The following OR1J2 variants were observed in gnomAD, a reference collection of about 807,000 sequenced individuals.
The protein encoded by OR1J2 is olfactory receptor 1J2.
For synonymous variants in OR1J2, 142 were observed against 99.7 expected (o/e 1.42, Z -2.52); for missense variants, 304 against 246.1 (o/e 1.24, Z -1.57).
the OR1J2 span, among the ~76,000 whole-genome samples, chr9:122,453,174 G>A: frequency 6.6e-6 from 1 of 152,178 alleles, no homozygotes. Flanking sequence ...CTGAGCAGAT[G>A]CTGGTGTCAT....
At chr9:122,450,871 A>G in the OR1J2 span, among the ~76,000 whole-genome samples, 2 of 152,208 alleles carry the variant, frequency 1.3e-5, no homozygotes, top group East Asian at 3.9e-4. Context: ...TGCCTGGCTT[A>G]TTTCACTTAA....
chr9:122,463,426 A>G, the OR1J2 span, among the ~76,000 whole-genome samples: 13 of 152,124 alleles, frequency 8.5e-5, no homozygotes, highest in African/African-American at 3.1e-4. Flanking sequence ...TTTTTCTGGC[A>G]CTTCAGAGAT....
chr9:122,539,977 G>A, the OR1J2 span, among the ~76,000 whole-genome samples: 5 of 151,974 alleles, frequency 3.3e-5, no homozygotes, highest in African/African-American at 1.2e-4. Flanking sequence ...TTTTTTTCTT[G>A]TAAATTTGTT....
the OR1J2 span, chr9:122,526,418 G>A: frequency 6.6e-7 from 1 of 1,515,760 alleles, no homozygotes; most frequent in East Asian, 2.3e-5. Context: ...TCATGTCCTT[G>A]TTCCTTAGGC....
chr9:122,555,584 G>A, the OR1J2 span, among the ~76,000 whole-genome samples: 1 of 152,126 alleles, frequency 6.6e-6, no homozygotes, highest in Non-Finnish European at 1.5e-5. Flanking sequence ...GCTACACCAT[G>A]CCATTTACAG....
At chr9:122,546,492 G>C in the OR1J2 span, among the ~76,000 whole-genome samples, 1 of 152,136 alleles carries the variant, frequency 6.6e-6, no homozygotes, top group Non-Finnish European at 1.5e-5. Context: ...GCCTTGCTGT[G>C]AGCTGTCCAA....
the OR1J2 span, among the ~76,000 whole-genome samples, chr9:122,560,277 T>A: frequency 1.3e-5 from 2 of 152,188 alleles, no homozygotes; most frequent in Non-Finnish European, 2.9e-5. Flanking sequence ...CTTGACTCTT[T>A]ATCCAGTTTG....
the OR1J2 span, chr9:122,576,650 A>AACTC: frequency 2.6e-5 from 4 of 152,108 alleles, no homozygotes; most frequent in African/African-American, 7.2e-5. Flanking sequence ...TGGGAGGTAA[A>AACTC]ACTCACAACA....
the OR1J2 span, among the ~76,000 whole-genome samples, chr9:122,471,822 C>CA: frequency 1.3e-5 from 2 of 151,842 alleles, no homozygotes; most frequent in African/African-American, 4.8e-5. Flanking sequence ...CATCTGAGGC[C>CA]AAAAAAATAA....
chr9:122,549,510 C>T, the OR1J2 span, among the ~76,000 whole-genome samples: 11 of 152,170 alleles, frequency 7.2e-5, no homozygotes, highest in Admixed American at 6.6e-4. Context: ...ACAGTTAAGT[C>T]TTTAATCCAT....
chr9:122,458,912 A>G, the OR1J2 span, among the ~76,000 whole-genome samples: 2 of 151,540 alleles, frequency 1.3e-5, no homozygotes, highest in African/African-American at 4.8e-5. Flanking sequence ...AACATTTCAT[A>G]TGCTCTTTTT....
chr9:122,515,508 G>A (rs1237776687), downstream of OR1J2, among the ~76,000 whole-genome samples: 2 of 151,238 alleles, frequency 1.3e-5, no homozygotes, highest in Admixed American at 1.3e-4. Flanking sequence ...TTAACCCCAC[G>A]TTGTGGGGAG....
the OR1J2 span, among the ~76,000 whole-genome samples, chr9:122,476,658 A>G: frequency 2.0e-5 from 3 of 152,188 alleles, no homozygotes; most frequent in Non-Finnish European, 4.4e-5. Context: ...TTTAAAAGAA[A>G]GGTAAATATC....
the OR1J2 span, among the ~76,000 whole-genome samples, chr9:122,482,302 AT>A: frequency 6.6e-6 from 1 of 152,212 alleles, no homozygotes; most frequent in Non-Finnish European, 1.5e-5. Context: ...GGAAATGCAA[AT>A]TAAAACCTCC....
the OR1J2 span, among the ~76,000 whole-genome samples, chr9:122,499,171 G>T: frequency 6.6e-6 from 1 of 152,244 alleles, no homozygotes; most frequent in Non-Finnish European, 1.5e-5. Flanking sequence ...TTTACCTGCG[G>T]GTCCCTTGAT....
chr9:122,456,575 C>T, the OR1J2 span, among the ~76,000 whole-genome samples: 1 of 152,160 alleles, frequency 6.6e-6, no homozygotes, highest in Non-Finnish European at 1.5e-5. Context: ...AGGGAACACA[C>T]ACACGAAAGA....
the OR1J2 span, among the ~76,000 whole-genome samples, chr9:122,532,418 CAG>C: frequency 6.6e-6 from 1 of 151,890 alleles, no homozygotes; most frequent in Non-Finnish European, 1.5e-5. Flanking sequence ...GGGTGAGAAA[CAG>C]GGAAGAAGGA....
upstream of OR1J2, among the ~76,000 whole-genome samples, chr9:122,507,571 G>A (rs557228603): frequency 6.6e-6 from 1 of 152,158 alleles, no homozygotes; most frequent in South Asian, 2.1e-4. Flanking sequence ...GGTAAGTAGT[G>A]CCTGTTTCTC....
rs1246905804 is a variant in OR1J2, at chr9:122,510,930, G to T, written c.129G>T (p.Leu43=). 1 of 1,612,448 alleles carries T rather than the reference G, an allele frequency of 6.2e-7. No homozygotes were observed. Among genetic ancestry groups the T allele is most frequent in the South Asian group, 1.1e-5 (1 of 91,034 alleles). Residue 43 remains leucine, a synonymous_variant, in exon 1 of 1, where the codon CTG becomes CTT. Coordinates refer to ENST00000335302, the MANE Select transcript of OR1J2 (RefSeq NM_054107.1). The part of the protein sequence containing the change: ...GMYLTTVLGN[L]LIMLLIQLDS... ...ACCTGACCACGGTGCTGGGGAACCT[G>T]CTCATCATGCTGCTCATCCAGCTGG... is the stretch of plus-strand genomic sequence containing the variant.
Sources: allele counts gnomAD v4.1 joint callset (sites outside exome capture counted in the v4.1 genomes callset), GRCh38; gene constraint gnomAD v4.1.1; transcripts MANE v1.5; gene names NCBI Gene and HGNC (gene_info 2026-07-23, HGNC 2026-07-21).